NLK: variants seen among roughly 807,000 people sequenced by gnomAD.
NLK encodes nemo like kinase.
In NLK, 11 loss-of-function variants were observed where a neutral mutation model predicts 59.0. That is an observed-to-expected ratio of 0.19 (90% CI 0.12 to 0.31). The LOEUF is 0.31. Among genes scored for constraint, NLK ranks in the 10% least tolerant of loss-of-function variants. The pLI, the probability that NLK is intolerant of heterozygous loss-of-function variation, is 1.00. For missense variants in NLK, 410 were observed against 661.1 expected, an observed-to-expected ratio of 0.62 and a Z score of 4.16; for synonymous variants, 235 against 235.9, an observed-to-expected ratio of 1.00 and a Z score of 0.03.
rs912722706 is a variant in NLK, at chr17:28,191,355, G to A, written c.1435+136G>A. 11 of 601,622 alleles carry A rather than the reference G, an allele frequency of 1.8e-5. No homozygotes were observed. In the African/African-American group the frequency reaches 2.0e-4, roughly 11 times the overall value. 37.3% of individuals were successfully genotyped at this position (601,622 alleles called of 1,614,324 possible). On this transcript the variant is annotated intron_variant, in intron 9 of 10. Coordinates refer to ENST00000407008, the MANE Select transcript of NLK (RefSeq NM_016231.5). ...ATTTTACAACCTTGCGTATAGCTGT[G>A]TGTCCGGGGCATAACAAAGCATATT...
chr17:28,124,552 A>G (rs182230502), intron 2 of NLK, among the ~76,000 whole-genome samples: 24 of 152,222 alleles, frequency 1.6e-4, no homozygotes, highest in African/African-American at 5.8e-4. Context: ...CACAAAACAA[A>G]ATACCACTTG....
intron 1 of NLK, among the ~76,000 whole-genome samples, chr17:28,108,600 G>A (rs1905307645): frequency 6.6e-6 from 1 of 152,112 alleles, no homozygotes; most frequent in Non-Finnish European, 1.5e-5. Context: ...ATATATACCT[G>A]TTTACAGTGA....
chr17:28,059,852 C>T (rs1289039274), intron 1 of NLK, among the ~76,000 whole-genome samples: 3 of 152,096 alleles, frequency 2.0e-5, no homozygotes, highest in Non-Finnish European at 4.4e-5. Flanking sequence ...GAAAGATATG[C>T]ACTAGCACGC....
downstream of NLK, among the ~76,000 whole-genome samples, chr17:28,198,471 A>T (rs987616305): frequency 6.6e-6 from 1 of 152,078 alleles, no homozygotes; most frequent in Admixed American, 6.5e-5. Context: ...TTACAGGCAC[A>T]TGCCACTACC....
intron 7 of NLK, among the ~76,000 whole-genome samples, chr17:28,174,407 A>G (rs1057146411): frequency 6.6e-6 from 1 of 152,064 alleles, no homozygotes; most frequent in Admixed American, 6.6e-5. Context: ...GCACTGTGGT[A>G]AAAGTTAGGG....
chr17:28,055,043 A>G (rs1362684248), intron 1 of NLK, among the ~76,000 whole-genome samples: 2 of 151,614 alleles, frequency 1.3e-5, no homozygotes, highest in Non-Finnish European at 2.9e-5. Context: ...TATACAGCGG[A>G]GATAGTAATA....
At chr17:28,148,821 T>C (rs2142036574) in intron 3 of NLK, among the ~76,000 whole-genome samples, 1 of 152,328 alleles carries the variant, frequency 6.6e-6, no homozygotes, top group South Asian at 2.1e-4. Flanking sequence ...ATTCAGGTGC[T>C]GGAAGAAATG....
chr17:28,083,229 G>T (rs1266405120), intron 1 of NLK, among the ~76,000 whole-genome samples: 1 of 152,108 alleles, frequency 6.6e-6, no homozygotes, highest in Non-Finnish European at 1.5e-5. Flanking sequence ...TGTCCCTTTT[G>T]TATCTGTGAC....
intron 1 of NLK, among the ~76,000 whole-genome samples, chr17:28,056,236 G>A (rs770421885): frequency 2.0e-5 from 3 of 152,162 alleles, no homozygotes; most frequent in Non-Finnish European, 2.9e-5. Context: ...CATTTGTTTT[G>A]AGGGCTTTTT....
intron 1 of NLK, among the ~76,000 whole-genome samples, chr17:28,070,874 C>A (rs1219981489): frequency 1.3e-5 from 2 of 152,212 alleles, no homozygotes; most frequent in Admixed American, 6.5e-5. Context: ...TGTGGAAAAT[C>A]AATTGACTAT....
chr17:28,080,209 T>C (rs1256187136), intron 1 of NLK, among the ~76,000 whole-genome samples: 1 of 152,158 alleles, frequency 6.6e-6, no homozygotes, highest in East Asian at 1.9e-4. Flanking sequence ...CCTGGCACTT[T>C]GGGAGGCCAA....
intron 1 of NLK, among the ~76,000 whole-genome samples, chr17:28,111,896 G>GTGTGTGGTGT (rs1394476582): frequency 6.4e-4 from 43 of 67,534 alleles, no homozygotes; most frequent in African/African-American, 1.4e-3. Context: ...GTGTGTGTGT[G>GTGTGTGGTGT]GTGTGTGTGT....
intron 1 of NLK, among the ~76,000 whole-genome samples, chr17:28,112,937 G>T (rs1905588269): frequency 6.6e-6 from 1 of 152,084 alleles, no homozygotes; most frequent in South Asian, 2.1e-4. Context: ...AGACATTATA[G>T]TATACTCCTC....
At chr17:28,138,547 C>G (rs1440933594) in intron 3 of NLK, among the ~76,000 whole-genome samples, 1 of 152,184 alleles carries the variant, frequency 6.6e-6, no homozygotes, top group East Asian at 1.9e-4. Flanking sequence ...CAGTAAGAGT[C>G]TCTAGTGCTT....
chr17:28,175,973 G>C (rs575785065), intron 7 of NLK, among the ~76,000 whole-genome samples: 1 of 152,220 alleles, frequency 6.6e-6, no homozygotes, highest in African/African-American at 2.4e-5. Context: ...CATTTGATAA[G>C]CTTCAGTTTT....
At chr17:28,116,975 T>C (rs187193905) in intron 1 of NLK, among the ~76,000 whole-genome samples, 1 of 152,354 alleles carries the variant, frequency 6.6e-6, no homozygotes, top group East Asian at 1.9e-4. Flanking sequence ...CTTTCCCTCA[T>C]TCTTTCAACT....
At chr17:28,074,316 T>C (rs751954460) in intron 1 of NLK, among the ~76,000 whole-genome samples, 4 of 152,200 alleles carry the variant, frequency 2.6e-5, no homozygotes, top group Admixed American at 6.5e-5. Flanking sequence ...ATCCTGCACA[T>C]GTACCCCTGA....
chr17:28,175,980 T>G (rs191067049), intron 7 of NLK, among the ~76,000 whole-genome samples: 16 of 152,216 alleles, frequency 1.1e-4, no homozygotes, highest in East Asian at 5.8e-4. Flanking sequence ...TAAGCTTCAG[T>G]TTTTTTTATG....
At chr17:28,144,118 C>T (rs1271256549) in intron 3 of NLK, among the ~76,000 whole-genome samples, 5 of 152,094 alleles carry the variant, frequency 3.3e-5, no homozygotes, top group African/African-American at 7.2e-5. Context: ...CATCTACATA[C>T]GACATAATTT....
Sources: allele counts gnomAD v4.1 joint callset (sites outside exome capture counted in the v4.1 genomes callset), GRCh38; gene constraint gnomAD v4.1.1; transcripts MANE v1.5; gene names NCBI Gene and HGNC (gene_info 2026-07-23, HGNC 2026-07-21).